The following MYL5 variants were observed in gnomAD, a reference collection of about 807,000 sequenced individuals.
The protein encoded by MYL5 is myosin light chain 5.
In MYL5, 28 loss-of-function variants were observed where a neutral mutation model predicts 20.8. That is an observed-to-expected ratio of 1.35 (90% CI 1.00 to 1.84). The LOEUF (loss-of-function observed/expected upper bound fraction) is 1.84, where lower values mean the gene tolerates loss of function less well. MYL5 is among the 40% of genes most tolerant of loss of function. The pLI is 0.00. For missense variants in MYL5, 274 were observed against 227.3 expected (o/e 1.21, Z -1.32); for synonymous variants, 118 against 87.4 (o/e 1.35, Z -1.95).
At chr4:675,759 G>A (rs1170663931), upstream of MYL5, 1 of 152,330 alleles carries the variant, frequency 6.6e-6, no homozygotes, top group Non-Finnish European at 1.5e-5. Context: ...ATGATTGCCC[G>A]AGCTCCACCC....
upstream of MYL5, chr4:675,820 T>C (rs1435698653): frequency 2.0e-5 from 3 of 152,284 alleles, no homozygotes; most frequent in Non-Finnish European, 4.4e-5. Flanking sequence ...TGAACCCTAC[T>C]GTGAGCTGCG....
intron 1 of MYL5, chr4:678,268 A>G: frequency 2.1e-6 from 3 of 1,463,362 alleles, no homozygotes; most frequent in Non-Finnish European, 2.7e-6. Context: ...TCTCCTGGTG[A>G]GAGTCCGGAG....
In MYL5 at chr4:678,943, G is replaced by C; in HGVS notation, c.112-15G>C. The C allele has an allele frequency of 5.6e-6, 9 of 1,613,648 alleles. No homozygotes were observed. Among genetic ancestry groups the C allele is most frequent in the Non-Finnish European group, 6.8e-6 (8 of 1,179,886 alleles). On this transcript the variant is annotated splice_polypyrimidine_tract_variant and intron_variant, in intron 2 of 6. Transcript: ENST00000400159. ...GCCGGGTTGGCAGCACAGCAGCCCT[G>C]ACCTTGGTCCCCAGGCATTCACACT...
intron 3 of MYL5, 145 bp from the exon 6 acceptor site, chr4:679,769 G>A (rs1739255669): frequency 4.6e-6 from 3 of 657,926 alleles, no homozygotes; most frequent in Non-Finnish European, 8.1e-6. Flanking sequence ...TGCACCCACT[G>A]CCCCACGTGC....
At chr4:681,251 A>AGGACAGAACAGGCCCCC in intron 6 of MYL5, 111 bp downstream of exon 8, 5 of 1,280,848 alleles carry the variant, frequency 3.9e-6, no homozygotes, top group Non-Finnish European at 5.4e-6. Flanking sequence ...GTTAGGACCC[A>AGGACAGAACAGGCCCCC]GGACAGAACA....
upstream of MYL5, chr4:675,426 G>A (rs149818029): frequency 0.013 from 2,056 of 152,596 alleles, 31 homozygotes; most frequent in Non-Finnish European, 0.017. Flanking sequence ...AGAAGCAACT[G>A]GAGAACTATG....
At chr4:681,760 GCCCTCACCCCGCACCCGGGC>G (rs1183795047) in intron 6 of MYL5, 113 bp from the exon 9 acceptor site, 1 of 1,103,188 alleles carries the variant, frequency 9.1e-7, no homozygotes, top group Non-Finnish European at 1.1e-6. Context: ...CTCCAGCGCC[GCCCTCACCCCGCACCCGGGC>G]CCCTCCCCGC....
chr4:678,488 A>G, intron 1 of MYL5, 170 bp from the exon 4 acceptor site: 3 of 1,435,374 alleles, frequency 2.1e-6, no homozygotes, highest in Non-Finnish European at 2.7e-6. Context: ...CCTGCCCCCA[A>G]CCCCAGCTAC....
At chr4:680,955 C>T (rs1329238619) in intron 5 of MYL5, 137 bp from the exon 8 acceptor site, 1 of 1,004,556 alleles carries the variant, frequency 1.0e-6, no homozygotes, top group Admixed American at 2.1e-5. Flanking sequence ...GGGACCTGCC[C>T]CAGGGCCACA....
intron 2 of MYL5, 47 bp from the exon 5 acceptor site, chr4:678,911 G>A (rs1280241389): frequency 1.2e-6 from 2 of 1,608,868 alleles, no homozygotes; most frequent in East Asian, 4.5e-5. Flanking sequence ...GGGCGGGGCA[G>A]AGCCCAGCCG....
At chr4:681,625 GCC>G (rs1169647280) in intron 6 of MYL5, among the ~76,000 whole-genome samples, 1 of 15,044 alleles carries the variant, frequency 6.6e-5, no homozygotes, top group East Asian at 8.3e-3. Context: ...GCGCCGCCCC[GCC>G]CCCTCCAGCG....
Position 681,073 on chromosome 4 carries a change from C to A in MYL5, c.372-19C>A, listed in dbSNP as rs1384649740. On this transcript the variant is annotated intron_variant, in intron 5 of 6. Transcript: ENST00000400159. Reference sequence around the variant, plus strand: ...GCACCCCCGCATCAGCCCGCGCTGACCCCTTTCCTCGTCCTCAGCATCAAG... The same window carrying A: ...GCACCCCCGCATCAGCCCGCGCTGAACCCTTTCCTCGTCCTCAGCATCAAG... 1 of 1,590,238 alleles carries A rather than the reference C, an allele frequency of 6.3e-7. No individual in the cohort carries two copies. Among genetic ancestry groups the A allele is most frequent in the Non-Finnish European group, 8.6e-7 (1 of 1,168,700 alleles).
chr4:674,619 T>G (rs902607147), upstream of MYL5: 20 of 336,358 alleles, frequency 5.9e-5, no homozygotes, highest in Non-Finnish European at 7.7e-5. Flanking sequence ...TGGCCGTGTG[T>G]CCACACCCCA....
intron 4 of MYL5, 80 bp downstream of exon 6, chr4:680,098 C>T (rs1433571791): frequency 1.2e-5 from 16 of 1,337,568 alleles, no homozygotes; most frequent in African/African-American, 2.9e-5. Flanking sequence ...GTAAAAATCT[C>T]TCTTTTCCAA....
Position 677,961 on chromosome 4 carries a change from G to A in MYL5, c.-66G>A, listed in dbSNP as rs375196584. The A allele has an allele frequency of 7.4e-6, 12 of 1,612,984 alleles. No homozygotes were observed. In the African/African-American group the frequency reaches 1.5e-4, roughly 20 times the overall value. ...AGTCTGAACTGTCCTGGGGGACCAAGCAGGAGCTTAAGATGGGCAAGACCT... is the reference window on the plus strand; with the variant it reads ...AGTCTGAACTGTCCTGGGGGACCAAACAGGAGCTTAAGATGGGCAAGACCT... On this transcript the variant is annotated 5_prime_UTR_variant, in exon 1 of 7. Coordinates refer to ENST00000400159, the Ensembl canonical transcript of MYL5.
chr4:678,335 C>G (rs1033416032), intron 1 of MYL5: 4 of 1,417,998 alleles, frequency 2.8e-6, no homozygotes, highest in Non-Finnish European at 3.7e-6. Flanking sequence ...CAAGCCCACC[C>G]AGAGTCCACT....
chr4:676,719 A>C (rs1374856476), upstream of MYL5, among the ~76,000 whole-genome samples: 4 of 152,058 alleles, frequency 2.6e-5, no homozygotes, highest in Non-Finnish European at 5.9e-5. Context: ...CCTGCAGCCC[A>C]GCAGTGCCCC....
At chr4:677,436 C>G (rs184913645), upstream of MYL5, among the ~76,000 whole-genome samples, 1,744 of 152,334 alleles carry the variant, frequency 0.011, 11 homozygotes, top group Non-Finnish European at 0.019. Context: ...CATGGCTCCT[C>G]CAACCCAGAA....
At chr4:677,775 T>C (rs1251168843), upstream of MYL5, 4 of 605,724 alleles carry the variant, frequency 6.6e-6, no homozygotes, top group South Asian at 2.0e-5. Flanking sequence ...GACAGGTGGA[T>C]GGGAGGTAGT....
Sources: gnomAD v4.1 joint callset for allele counts (sites outside exome capture counted in the v4.1 genomes callset) on GRCh38, gnomAD v4.1.1 for gene constraint, MANE v1.5 for transcripts, NCBI Gene and HGNC (gene_info 2026-07-23, HGNC 2026-07-21) for gene names.